The following ABCD3 variants were observed in gnomAD, a reference collection of about 807,000 sequenced individuals.
ABCD3 encodes the protein ATP binding cassette subfamily D member 3, also known as ATP-binding cassette sub-family D member 3.
ABCD3 carries 41 observed loss-of-function variants against 105.5 expected under a neutral mutation model. The observed-to-expected ratio is 0.39, with a 90% CI of 0.30 to 0.50. The LOEUF is 0.50. Among genes scored for constraint, ABCD3 ranks in the 20% least tolerant of loss-of-function variants. The probability of loss-of-function intolerance (pLI) is 0.84; values close to 1 mark genes in which losing one functional copy is unlikely to be tolerated. For missense variants in ABCD3, 622 were observed against 806.3 expected, an observed-to-expected ratio of 0.77 and a Z score of 2.77; for synonymous variants, 258 against 269.0, an observed-to-expected ratio of 0.96 and a Z score of 0.40.
In ABCD3 at chr1:94,518,612, T is replaced by C. The variant is rs1325357099; in HGVS notation, c.*1483T>C. The C allele has an allele frequency of 6.6e-6, 1 of 151,824 alleles. No homozygotes were observed. Among genetic ancestry groups the C allele is most frequent in the African/African-American group, 2.4e-5 (1 of 41,312 alleles). The allele number at this position is 151,824 out of a possible 1,614,324, so 9.4% of individuals were successfully genotyped here. Reference sequence around the variant, plus strand: ...TTCAGCCTTGACTTGAAAACATAGATAGTTTAATCTTGACTTGAAAAACAC... The same window carrying C: ...TTCAGCCTTGACTTGAAAACATAGACAGTTTAATCTTGACTTGAAAAACAC... On this transcript the variant is annotated 3_prime_UTR_variant, in exon 23 of 23. Transcript: ENST00000370214.
chr1:94,502,664 T>C (rs1215929029), intron 20 of ABCD3, among the ~76,000 whole-genome samples: 1 of 151,904 alleles, frequency 6.6e-6, no homozygotes, highest in Admixed American at 6.6e-5. Context: ...GCCTGGCTAA[T>C]TTTTGTATTT....
At chr1:94,487,504 A>G (rs751965219) in intron 10 of ABCD3, 38 bp from the exon 11 acceptor site, 1 of 1,582,528 alleles carries the variant, frequency 6.3e-7, no homozygotes, top group South Asian at 1.1e-5. Flanking sequence ...TTTTTTATAC[A>G]GAGAAAAAGA....
chr1:94,495,457 A>G (rs1184943539), intron 16 of ABCD3, among the ~76,000 whole-genome samples: 1 of 152,204 alleles, frequency 6.6e-6, no homozygotes, highest in East Asian at 1.9e-4. Flanking sequence ...TTTTTAATAC[A>G]GAAAAATTAT....
intron 1 of ABCD3, chr1:94,418,837 C>G: frequency 1.8e-6 from 1 of 543,012 alleles, no homozygotes. Flanking sequence ...TGCCCGCGGG[C>G]GAACCGGCGC....
chr1:94,481,754 C>T (rs1649036819), intron 9 of ABCD3: 1 of 152,210 alleles, frequency 6.6e-6, no homozygotes, highest in Non-Finnish European at 1.5e-5. Flanking sequence ...TTTATGAGAG[C>T]AAAGAAACCT....
chr1:94,474,258 AG>A (rs1251777118), intron 5 of ABCD3, among the ~76,000 whole-genome samples: 3 of 140,944 alleles, frequency 2.1e-5, no homozygotes, highest in African/African-American at 5.2e-5. Flanking sequence ...GGGGATTTAG[AG>A]GGGGGAATGC....
At chr1:94,506,929 A>G (rs1436251210) in intron 21 of ABCD3, among the ~76,000 whole-genome samples, 2 of 151,910 alleles carry the variant, frequency 1.3e-5, no homozygotes. Flanking sequence ...TATCTCATTT[A>G]TATATAAATG....
intron 1 of ABCD3, among the ~76,000 whole-genome samples, chr1:94,456,128 T>C (rs1647545827): frequency 6.6e-6 from 1 of 151,906 alleles, no homozygotes; most frequent in African/African-American, 2.4e-5. Context: ...TATTCTCTGC[T>C]TCTATGAGTT....
At chr1:94,503,906 C>CT (rs71097203) in intron 20 of ABCD3, among the ~76,000 whole-genome samples, 18,636 of 70,052 alleles carry the variant, frequency 0.27, 3,238 homozygotes, top group Non-Finnish European at 0.32. Flanking sequence ...ACAAGTGATT[C>CT]TTTTTTTTTT....
intron 21 of ABCD3, among the ~76,000 whole-genome samples, chr1:94,509,025 G>A (rs1444206066): frequency 6.6e-6 from 1 of 152,124 alleles, no homozygotes; most frequent in African/African-American, 2.4e-5. Context: ...ACACTATGTT[G>A]AATAGGAGTG....
intron 1 of ABCD3, among the ~76,000 whole-genome samples, chr1:94,428,283 A>G (rs1659546257): frequency 6.6e-6 from 1 of 152,112 alleles, no homozygotes; most frequent in South Asian, 2.1e-4. Flanking sequence ...CACCACTATA[A>G]TGGTACTATA....
chr1:94,482,577 T>C (rs2147795), intron 9 of ABCD3: 100,822 of 152,434 alleles, frequency 0.66, 35,159 homozygotes, highest in Non-Finnish European at 0.78. Context: ...ATAAAATACC[T>C]TTTTTTTCTA....
rs563121573 is a variant in ABCD3, at chr1:94,432,878, G to A, written c.110+14290G>A. Among the ~76,000 whole-genome samples the A allele has an allele frequency of 7.0e-4, 103 of 147,220 alleles. 3 individuals carry two copies. Among genetic ancestry groups the A allele is most frequent in the South Asian group, 2.3e-3 (11 of 4,702 alleles). ...TTTTTTTTCTTTTTTTTTTTGAGAC[G>A]GAGTCTCACTCTGTTGCTCAGACTG... On this transcript the variant is annotated intron_variant, in intron 1 of 22. Transcript: ENST00000370214.
Position 94,428,127 on chromosome 1 carries a change from G to GT in ABCD3, c.110+9546dup, listed in dbSNP as rs922821987. Reference sequence around the variant, plus strand: ...CCACAAGATTGAGAAATGGAAAAGTGTTTTTTTAAACACACCTTTCTTATC... The same window carrying GT: ...CCACAAGATTGAGAAATGGAAAAGTGTTTTTTTTAAACACACCTTTCTTATC... On this transcript the variant is annotated intron_variant, in intron 1 of 22. Transcript: ENST00000370214. Among the ~76,000 whole-genome samples, 17 of 149,752 alleles carry GT rather than the reference G, an allele frequency of 1.1e-4. 1 individual carries two copies. Among genetic ancestry groups the GT allele is most frequent in the Admixed American group, 2.0e-4 (3 of 15,084 alleles).
intron 1 of ABCD3, among the ~76,000 whole-genome samples, chr1:94,429,820 CCCACACAGAATCCCTGCTGGGGCA>C (rs1371722172): frequency 6.6e-6 from 1 of 152,206 alleles, no homozygotes; most frequent in Non-Finnish European, 1.5e-5. Context: ...GGTTGGAGCC[CCCACACAGAATCCCTGCTGGGGCA>C]CCACCTAGTG....
the ABCD3 span, among the ~76,000 whole-genome samples, chr1:94,399,060 A>G: frequency 3.9e-5 from 6 of 152,202 alleles, no homozygotes; most frequent in Admixed American, 3.3e-4. Context: ...ACTCATATGT[A>G]GTAGCATGCA....
intron 1 of ABCD3, among the ~76,000 whole-genome samples, chr1:94,453,940 CT>C (rs201776214): frequency 0.019 from 2,705 of 141,054 alleles, 77 homozygotes; most frequent in African/African-American, 0.061. Flanking sequence ...TATTATTAAT[CT>C]TTTTTTTTTT....
intron 16 of ABCD3, among the ~76,000 whole-genome samples, chr1:94,494,119 ATAAC>A (rs1168408988): frequency 6.6e-6 from 1 of 152,186 alleles, no homozygotes; most frequent in African/African-American, 2.4e-5. Context: ...AAAAAGAACA[ATAAC>A]TACCCTGTAT....
the ABCD3 span, among the ~76,000 whole-genome samples, chr1:94,401,122 T>C: frequency 6.6e-6 from 1 of 152,194 alleles, no homozygotes; most frequent in African/African-American, 2.4e-5. Context: ...ATGTAAGAAA[T>C]AAATTATGTT....
Sources: allele counts gnomAD v4.1 joint callset (sites outside exome capture counted in the v4.1 genomes callset), GRCh38; gene constraint gnomAD v4.1.1; transcripts MANE v1.5; gene names NCBI Gene and HGNC (gene_info 2026-07-23, HGNC 2026-07-21).